PTPRT: variants seen among roughly 807,000 people sequenced by gnomAD.
The protein encoded by PTPRT is protein tyrosine phosphatase receptor type T, also known as receptor-type tyrosine-protein phosphatase T.
PTPRT carries 56 observed loss-of-function variants against 176.8 expected under a neutral mutation model. The observed-to-expected ratio is 0.32, with a 90% CI of 0.26 to 0.40. The LOEUF (loss-of-function observed/expected upper bound fraction) is 0.40, where lower values mean the gene tolerates loss of function less well. PTPRT is among the 10% of genes least tolerant of loss of function. PTPRT has a pLI of 1.00. For missense variants in PTPRT, 1,540 were observed against 1,908.2 expected (o/e 0.81, Z 3.60); for synonymous variants, 783 against 739.0 (o/e 1.06, Z -0.96).
At chr20:43,029,925 G>C (rs541518941) in intron 1 of PTPRT, among the ~76,000 whole-genome samples, 32 of 152,320 alleles carry the variant, frequency 2.1e-4, no homozygotes, top group African/African-American at 6.0e-4. Flanking sequence ...ATCAGCCTAA[G>C]TACCAGATTA....
intron 1 of PTPRT, among the ~76,000 whole-genome samples, chr20:43,114,835 T>A (rs1009391777): frequency 6.6e-6 from 1 of 152,252 alleles, no homozygotes; most frequent in Middle Eastern, 3.4e-3. Context: ...CACAGGACCT[T>A]GAAAAAATTA....
chr20:42,058,999 C>T, the PTPRT span, among the ~76,000 whole-genome samples: 1 of 152,104 alleles, frequency 6.6e-6, no homozygotes, highest in Admixed American at 6.5e-5. Flanking sequence ...TAAAAGATCC[C>T]CAGACCTAAT....
intron 7 of PTPRT, among the ~76,000 whole-genome samples, chr20:42,586,724 C>G (rs1447921593): frequency 6.6e-6 from 1 of 152,178 alleles, no homozygotes; most frequent in African/African-American, 2.4e-5. Flanking sequence ...CCTGTTCCCA[C>G]CTTGCTTTTC....
chr20:42,178,570 C>T (rs934077355), intron 16 of PTPRT, among the ~76,000 whole-genome samples: 1 of 152,100 alleles, frequency 6.6e-6, no homozygotes, highest in Non-Finnish European at 1.5e-5. Context: ...GACAAACTAC[C>T]CCCAACCACA....
At chr20:42,866,842 A>G (rs1479553836) in intron 2 of PTPRT, among the ~76,000 whole-genome samples, 1 of 152,208 alleles carries the variant, frequency 6.6e-6, no homozygotes, top group Non-Finnish European at 1.5e-5. Flanking sequence ...AAATTACTTA[A>G]TCTTTGTGTG....
At chr20:42,852,256 C>T (rs2078485956) in intron 2 of PTPRT, among the ~76,000 whole-genome samples, 2 of 152,168 alleles carry the variant, frequency 1.3e-5, no homozygotes, top group South Asian at 4.1e-4. Flanking sequence ...TATGAATACA[C>T]GTTTCCATTC....
At chr20:42,453,601 C>T (rs2070869677) in intron 8 of PTPRT, among the ~76,000 whole-genome samples, 1 of 151,616 alleles carries the variant, frequency 6.6e-6, no homozygotes, top group African/African-American at 2.4e-5. Flanking sequence ...CTTTCTCCAT[C>T]GTTAAATAAA....
intron 1 of PTPRT, among the ~76,000 whole-genome samples, chr20:43,177,776 G>T (rs528887750): frequency 6.6e-6 from 1 of 152,298 alleles, no homozygotes; most frequent in South Asian, 2.1e-4. Context: ...ATAAAAAAGT[G>T]ACCCATCAGG....
intron 7 of PTPRT, among the ~76,000 whole-genome samples, chr20:42,648,822 T>TTTG (rs2074969665): frequency 7.1e-5 from 3 of 42,360 alleles, no homozygotes; most frequent in South Asian, 1.5e-3. Flanking sequence ...GTGTCGTTGT[T>TTTG]TTTTTTTTTT....
In PTPRT at chr20:42,950,330, T is replaced by C. The variant is rs571260443; in HGVS notation, c.89-64398A>G. 3.3e-5 allele frequency among the ~76,000 whole-genome samples: 5 copies of C among 152,340 alleles called. No homozygotes were observed. In the South Asian group the frequency reaches 1.0e-3, roughly 32 times the overall value. On this transcript the variant is annotated intron_variant, in intron 1 of 30. Transcript: ENST00000373187. ...CGTACATTCTGTCAGCGTACAGAGA[T>C]CAATCCTGTTCTTATATGGGGCCAG... is the stretch of plus-strand genomic sequence containing the variant.
chr20:42,406,642 T>G (rs1262436020), intron 9 of PTPRT, among the ~76,000 whole-genome samples: 2 of 152,136 alleles, frequency 1.3e-5, no homozygotes, highest in African/African-American at 4.8e-5. Flanking sequence ...TCCATTCATT[T>G]TATATATCCA....
chr20:42,517,012 G>T (rs867540380), intron 7 of PTPRT, among the ~76,000 whole-genome samples: 1 of 151,978 alleles, frequency 6.6e-6, no homozygotes, highest in Non-Finnish European at 1.5e-5. Context: ...TTCTCATGCT[G>T]TCCTTATCTA....
At position 42,902,484 on chromosome 20, in the gene PTPRT, G is replaced by T. The variant is rs148680407; in HGVS notation, c.89-16552C>A. ...ACCTTGGCCCAGTGAGGATCAGAGG[G>T]AGGAGAAGACACCGGTAATCCCCAG... is the stretch of plus-strand genomic sequence containing the variant. On this transcript the variant is annotated intron_variant, in intron 1 of 30. Transcript: ENST00000373187. 2.5e-3 allele frequency among the ~76,000 whole-genome samples: 382 copies of T among 152,272 alleles called. 1 individual carries two copies. The highest frequency in any genetic ancestry group is 8.7e-3 in the African/African-American group (362 of 41,540).
At chr20:42,672,712 A>G (rs578152297) in intron 7 of PTPRT, among the ~76,000 whole-genome samples, 18 of 152,116 alleles carry the variant, frequency 1.2e-4, no homozygotes, top group African/African-American at 4.3e-4. Flanking sequence ...TCTCCCCCTT[A>G]AGGGTTAAGG....
rs1487715231 is a variant in PTPRT, at chr20:42,634,064, AAT to A, written c.1153+43800_1153+43801del. On this transcript the variant is annotated intron_variant, in intron 7 of 30. Transcript: ENST00000373187. ...TATTATATATATATTATAAATATAT[AAT>A]ATATATATAATATATATATAATATA... Among the ~76,000 whole-genome samples, 65 of 39,362 alleles carry A rather than the reference AAT, an allele frequency of 1.7e-3. 1 individual carries two copies. The highest frequency in any genetic ancestry group is 2.3e-3 in the Non-Finnish European group (60 of 26,288). The allele number at this position is 39,362 out of a possible 152,430, so 25.8% of individuals were successfully genotyped here.
intron 6 of PTPRT, among the ~76,000 whole-genome samples, chr20:42,713,415 A>G (rs2076175650): frequency 6.6e-6 from 1 of 152,174 alleles, no homozygotes; most frequent in South Asian, 2.1e-4. Flanking sequence ...AATCTCAAGT[A>G]TCTTCCTCCT....
At chr20:42,125,048 A>G (rs1254950665) in intron 19 of PTPRT, among the ~76,000 whole-genome samples, 1 of 152,072 alleles carries the variant, frequency 6.6e-6, no homozygotes, top group African/African-American at 2.4e-5. Context: ...TTGTCACTCA[A>G]TCAAGGGCTT....
intron 2 of PTPRT, among the ~76,000 whole-genome samples, chr20:42,816,977 T>G (rs1416225245): frequency 1.3e-5 from 2 of 152,200 alleles, no homozygotes. Context: ...AGATCAACAA[T>G]GTCTTCCTCA....
chr20:43,052,741 A>C (rs1222085577), intron 1 of PTPRT, among the ~76,000 whole-genome samples: 1 of 152,218 alleles, frequency 6.6e-6, no homozygotes, highest in Non-Finnish European at 1.5e-5. Flanking sequence ...CCAATTATAG[A>C]GCATTTTCAT....
Sources: allele counts gnomAD v4.1 joint callset (sites outside exome capture counted in the v4.1 genomes callset), GRCh38; gene constraint gnomAD v4.1.1; transcripts MANE v1.5; gene names NCBI Gene and HGNC (gene_info 2026-07-23, HGNC 2026-07-21).